LRPPRC: variants seen among roughly 807,000 people sequenced by gnomAD.
LRPPRC encodes the protein leucine-rich PPR motif-containing protein, mitochondrial.
In LRPPRC, 120 loss-of-function variants were observed where a neutral mutation model predicts 180.3. The observed-to-expected ratio is 0.67, with a 90% CI of 0.57 to 0.77. LRPPRC has a LOEUF of 0.77. Among genes scored for constraint, LRPPRC ranks in the 30% least tolerant of loss-of-function variants. LRPPRC has a pLI of 0.00. For missense variants in LRPPRC, 2,012 were observed against 1,657.2 expected (o/e 1.21, Z -3.72); for synonymous variants, 723 against 600.0 (o/e 1.21, Z -3.00).
At chr2:43,906,098 T>G (rs1323603973) in intron 30 of LRPPRC, among the ~76,000 whole-genome samples, 9 of 152,212 alleles carry the variant, frequency 5.9e-5, no homozygotes, top group South Asian at 2.1e-4. Context: ...CCCCGCATTG[T>G]TCTGCCATAT....
intron 12 of LRPPRC, among the ~76,000 whole-genome samples, chr2:43,960,996 T>C (rs1157355971): frequency 6.6e-6 from 1 of 152,146 alleles, no homozygotes; most frequent in East Asian, 1.9e-4. Flanking sequence ...GTAATTTAAC[T>C]CATAGAGGCT....
At chr2:43,991,762 A>T (rs116617480) in intron 1 of LRPPRC, among the ~76,000 whole-genome samples, 3 of 152,216 alleles carry the variant, frequency 2.0e-5, no homozygotes, top group Admixed American at 1.3e-4. Flanking sequence ...TTGGTGCTAC[A>T]ATTTTGAAAA....
chr2:43,903,988 G>A (rs761520536), intron 31 of LRPPRC: 3 of 152,216 alleles, frequency 2.0e-5, no homozygotes, highest in Non-Finnish European at 4.4e-5. Context: ...TTCTTGCCCA[G>A]GCTGAGTGCA....
At chr2:43,963,392 C>A in intron 12 of LRPPRC, 196 bp downstream of exon 12, 1 of 627,240 alleles carries the variant, frequency 1.6e-6, no homozygotes. Context: ...TGCAGTGAGC[C>A]AAGATTGTGC....
chr2:43,950,588 T>G lies in LRPPRC; in HGVS notation c.1662A>C (p.Ile554=), dbSNP rs773135618. Residue 554 remains isoleucine, a synonymous_variant, in exon 15 of 38, where the codon ATA becomes ATC. Coordinates refer to ENST00000260665, the MANE Select transcript of LRPPRC (RefSeq NM_133259.4). ...AGGGACTTACCTCGCTCCAAAGATT[T>G]ATATTCATAGACCTGCAGAGGGCAG... ...LLLGFRRSMN[I]NLWSEITELL... is the part of the protein sequence containing the mutation. 6.2e-7 allele frequency: 1 copy of G among 1,613,750 alleles called. No individual in the cohort carries two copies. The highest frequency in any genetic ancestry group is 8.5e-7 in the Non-Finnish European group (1 of 1,179,682).
intron 22 of LRPPRC, 101 bp downstream of exon 22, chr2:43,945,231 C>A: frequency 1.2e-6 from 1 of 837,324 alleles, no homozygotes. Context: ...GCAAAGTGTT[C>A]AAGCACTTTG....
intron 30 of LRPPRC, among the ~76,000 whole-genome samples, chr2:43,907,308 G>GAA (rs1671096001): frequency 1.3e-5 from 2 of 152,144 alleles, no homozygotes; most frequent in Admixed American, 1.3e-4. Flanking sequence ...TACATATGTA[G>GAA]AAACTGACCA....
intron 5 of LRPPRC, among the ~76,000 whole-genome samples, 174 bp downstream of exon 5, chr2:43,976,820 C>G (rs1266620285): frequency 1.3e-5 from 2 of 151,568 alleles, no homozygotes; most frequent in African/African-American, 4.8e-5. Context: ...TCTTTTCTCT[C>G]TTACACGATA....
chr2:43,908,102 T>A (rs1051051479), intron 30 of LRPPRC, among the ~76,000 whole-genome samples: 2 of 152,150 alleles, frequency 1.3e-5, no homozygotes, highest in African/African-American at 4.8e-5. Context: ...TATAGCATTA[T>A]TTCCGAACAG....
intron 26 of LRPPRC, 140 bp from the exon 27 acceptor site, chr2:43,925,297 C>A: frequency 1.4e-6 from 1 of 700,270 alleles, no homozygotes; most frequent in Non-Finnish European, 2.6e-6. Flanking sequence ...ATGGGCTGAG[C>A]ACAACAATAT....
At chr2:43,985,490 C>CCTTCT (rs1189680632) in intron 1 of LRPPRC, among the ~76,000 whole-genome samples, 3 of 152,170 alleles carry the variant, frequency 2.0e-5, no homozygotes, top group African/African-American at 7.2e-5. Flanking sequence ...TCTCCTCATT[C>CCTTCT]CTTCCACCCT....
At chr2:43,966,696 C>A (rs1181978945) in intron 11 of LRPPRC, among the ~76,000 whole-genome samples, 2 of 151,044 alleles carry the variant, frequency 1.3e-5, no homozygotes, top group Non-Finnish European at 2.9e-5. Context: ...GCATGAGCCA[C>A]CACGCCCGGC....
At chr2:43,981,916 T>C (rs983037234) in intron 2 of LRPPRC, among the ~76,000 whole-genome samples, 5 of 152,128 alleles carry the variant, frequency 3.3e-5, no homozygotes, top group African/African-American at 1.2e-4. Flanking sequence ...GACTTTTTTT[T>C]TTGTTTTAAA....
At chr2:43,911,171 A>T (rs965439528) in intron 30 of LRPPRC, among the ~76,000 whole-genome samples, 10 of 150,488 alleles carry the variant, frequency 6.6e-5, no homozygotes, top group Non-Finnish European at 1.3e-4. Flanking sequence ...TATATATATA[A>T]AATTTGATTA....
At chr2:43,955,374 CAGG>C (rs1673065452) in intron 14 of LRPPRC, among the ~76,000 whole-genome samples, 1 of 149,382 alleles carries the variant, frequency 6.7e-6, no homozygotes, top group Non-Finnish European at 1.5e-5. Context: ...GAGCCTGAAG[CAGG>C]AGGATTACTT....
At chr2:43,898,380 T>C (rs918146266) in intron 34 of LRPPRC, among the ~76,000 whole-genome samples, 3 of 152,184 alleles carry the variant, frequency 2.0e-5, no homozygotes, top group Non-Finnish European at 4.4e-5. Context: ...TAAGGGAATA[T>C]AATACTATTT....
At chr2:43,974,541 G>C in intron 8 of LRPPRC, 73 bp downstream of exon 8, 1 of 1,110,198 alleles carries the variant, frequency 9.0e-7, no homozygotes, top group South Asian at 1.4e-5. Context: ...GTTAGAAAAT[G>C]TCCTTTCCAT....
At chr2:43,966,183 A>C (rs1453183330) in intron 11 of LRPPRC, among the ~76,000 whole-genome samples, 1 of 152,176 alleles carries the variant, frequency 6.6e-6, no homozygotes, top group Non-Finnish European at 1.5e-5. Context: ...AGCACATGCT[A>C]AGTGAAATAA....
chr2:43,889,586 G>A (rs927714017), intron 37 of LRPPRC, 148 bp downstream of exon 37: 2 of 736,950 alleles, frequency 2.7e-6, no homozygotes, highest in Non-Finnish European at 4.9e-6. Context: ...AAGGCATGCT[G>A]CTCAGTCCCT....
Sources: gnomAD v4.1 joint callset for allele counts (sites outside exome capture counted in the v4.1 genomes callset) on GRCh38, gnomAD v4.1.1 for gene constraint, MANE v1.5 for transcripts, NCBI Gene and HGNC (gene_info 2026-07-23, HGNC 2026-07-21) for gene names.